Variants in RANBP17 observed in about 807,000 individuals in gnomAD.
The protein encoded by RANBP17 is ran-binding protein 17.
A neutral mutation model predicts 141.2 loss-of-function variants in RANBP17; 158 were observed. The observed-to-expected ratio is 1.12, with a 90% CI of 0.98 to 1.28. RANBP17 has a LOEUF of 1.28. RANBP17 is among the 50% of genes most tolerant of loss of function. RANBP17 has a pLI of 0.00. For missense variants in RANBP17, 1,438 were observed against 1,290.7 expected (o/e 1.11, Z -1.75); for synonymous variants, 430 against 450.0 (o/e 0.96, Z 0.56).
chr5:171,267,171 C>G (rs1316138690), intron 25 of RANBP17, among the ~76,000 whole-genome samples: 1 of 150,226 alleles, frequency 6.7e-6, no homozygotes, highest in African/African-American at 2.4e-5. Context: ...GTAGCTGGGA[C>G]TACAGGTGCA....
intron 12 of RANBP17, among the ~76,000 whole-genome samples, chr5:170,938,263 A>T (rs1019776901): frequency 6.6e-6 from 1 of 152,222 alleles, no homozygotes; most frequent in South Asian, 2.1e-4. Context: ...TTGAACCCTC[A>T]AAAGGGTATA....
Position 171,298,942 on chromosome 5 carries a change from C to A in RANBP17, c.*84C>A, listed in dbSNP as rs1768991182. ...GTCTCAGGACAGTGATGTTGGCTAG[C>A]CCAGGGGAATGTATTTTTCAAAACA... On this transcript the variant is annotated 3_prime_UTR_variant, in exon 28 of 28. Coordinates refer to ENST00000523189, the MANE Select transcript of RANBP17 (RefSeq NM_022897.5). The A allele has an allele frequency of 2.0e-6, 2 of 990,046 alleles. No individual in the cohort carries two copies. Among genetic ancestry groups the A allele is most frequent in the African/African-American group, 1.6e-5 (1 of 62,590 alleles). The allele number at this position is 990,046 out of a possible 1,614,324, so 61.3% of individuals were successfully genotyped here. A position where few individuals can be genotyped will look rare whatever the true frequency, so the allele number is the denominator to read the frequency against.
intron 14 of RANBP17, among the ~76,000 whole-genome samples, chr5:171,068,210 CT>C (rs1417206316): frequency 6.6e-6 from 1 of 151,980 alleles, no homozygotes; most frequent in African/African-American, 2.4e-5. Context: ...ATTTTATTTT[CT>C]TTCAGCTATT....
At chr5:171,273,944 C>T (rs1031335982) in intron 25 of RANBP17, among the ~76,000 whole-genome samples, 1 of 152,084 alleles carries the variant, frequency 6.6e-6, no homozygotes, top group Non-Finnish European at 1.5e-5. Flanking sequence ...CTATACTTGT[C>T]TACTGGAACT....
intron 24 of RANBP17, among the ~76,000 whole-genome samples, chr5:171,251,149 C>T (rs1041917649): frequency 6.6e-6 from 1 of 152,132 alleles, no homozygotes; most frequent in African/African-American, 2.4e-5. Flanking sequence ...AGCACAGTGG[C>T]GTGGTCATGG....
At chr5:170,888,874 AT>A (rs2127377022) in intron 3 of RANBP17, among the ~76,000 whole-genome samples, 1 of 152,182 alleles carries the variant, frequency 6.6e-6, no homozygotes, top group East Asian at 1.9e-4. Context: ...GTTGTCCTCT[AT>A]TCCTAGTTTG....
At chr5:170,876,779 C>T (rs994066958) in intron 1 of RANBP17, among the ~76,000 whole-genome samples, 1 of 152,064 alleles carries the variant, frequency 6.6e-6, no homozygotes, top group African/African-American at 2.4e-5. Flanking sequence ...GGTATATGCA[C>T]ATGAGGGAAT....
chr5:171,149,095 C>G (rs918498004), intron 14 of RANBP17, among the ~76,000 whole-genome samples: 1 of 152,230 alleles, frequency 6.6e-6, no homozygotes, highest in Non-Finnish European at 1.5e-5. Flanking sequence ...AGCTATCTAA[C>G]TTTACCTACT....
intron 12 of RANBP17, among the ~76,000 whole-genome samples, chr5:170,948,309 G>A (rs1472927710): frequency 6.6e-6 from 1 of 151,746 alleles, no homozygotes; most frequent in Non-Finnish European, 1.5e-5. Flanking sequence ...ATATGTGAAG[G>A]GTATAAGAGA....
intron 14 of RANBP17, among the ~76,000 whole-genome samples, chr5:170,979,002 G>A (rs533433066): frequency 3.7e-4 from 56 of 152,138 alleles, no homozygotes; most frequent in African/African-American, 1.2e-3. Context: ...CTAAAACTAC[G>A]TTTATTTTTG....
chr5:170,914,286 A>G (rs1190155468), intron 8 of RANBP17, 46 bp downstream of exon 8: 9 of 1,220,708 alleles, frequency 7.4e-6, no homozygotes, highest in South Asian at 2.5e-5. Context: ...ACCTGTGTAA[A>G]TAAGGGGTGG....
intron 14 of RANBP17, among the ~76,000 whole-genome samples, chr5:171,039,800 C>G (rs1312125759): frequency 6.6e-6 from 1 of 152,064 alleles, no homozygotes; most frequent in Non-Finnish European, 1.5e-5. Context: ...TTCCTGGAAA[C>G]AAAACCTTCC....
chr5:171,173,111 T>C (rs1760213254), intron 16 of RANBP17, among the ~76,000 whole-genome samples: 1 of 152,044 alleles, frequency 6.6e-6, no homozygotes. Context: ...ATTTGAATTA[T>C]AAATCATTAT....
intron 14 of RANBP17, among the ~76,000 whole-genome samples, chr5:171,112,934 C>T (rs991117267): frequency 6.6e-6 from 1 of 152,060 alleles, no homozygotes; most frequent in African/African-American, 2.4e-5. Flanking sequence ...AGCTCTATGC[C>T]CACAAGCAAA....
At position 171,222,289 on chromosome 5, in the gene RANBP17, A is replaced by G. The variant is rs375567900; in HGVS notation, c.2422+449A>G. 2.6e-5 allele frequency among the ~76,000 whole-genome samples: 4 copies of G among 152,368 alleles called. No homozygotes were observed. In the East Asian group the frequency reaches 7.7e-4, roughly 29 times the overall value. ...ACTGCGCCTCTAGAAGCAGAGTTCT[A>G]CAGGAAAGATTGTCCTATTCAATTA... On this transcript the variant is annotated intron_variant, in intron 22 of 27. Coordinates refer to ENST00000523189, the MANE Select transcript of RANBP17 (RefSeq NM_022897.5).
chr5:170,962,457 C>T (rs1561935129), intron 13 of RANBP17, among the ~76,000 whole-genome samples: 1 of 152,260 alleles, frequency 6.6e-6, no homozygotes, highest in East Asian at 1.9e-4. Context: ...ATAAAATCAA[C>T]ACAGAACTTG....
chr5:171,142,329 GA>G (rs1291577886), intron 14 of RANBP17, among the ~76,000 whole-genome samples: 4 of 152,174 alleles, frequency 2.6e-5, no homozygotes, highest in African/African-American at 9.6e-5. Flanking sequence ...AGTAATTGAA[GA>G]AAAAAATATT....
rs551805621 is a variant in RANBP17 at position 171,200,230 on chromosome 5, A to G, written c.2142+457A>G. On this transcript the variant is annotated intron_variant, in intron 19 of 27. Transcript: ENST00000523189. ...TTAAATGGCTAGGCATATATGTATA[A>G]ATAGGAACTGGTCTTGAAGTATTGC... Among the ~76,000 whole-genome samples the G allele has an allele frequency of 5.3e-5, 8 of 152,336 alleles. No individual in the cohort carries two copies. The South Asian group carries it at 1.7e-3, about 32-fold the overall frequency.
At chr5:171,220,183 C>G (rs559431553) in intron 21 of RANBP17, among the ~76,000 whole-genome samples, 21 of 152,132 alleles carry the variant, frequency 1.4e-4, no homozygotes, top group Non-Finnish European at 2.9e-4. Context: ...TGGAGGTCCA[C>G]TCCAGATCCT....
Sources: gnomAD v4.1 joint callset for allele counts (sites outside exome capture counted in the v4.1 genomes callset) on GRCh38, gnomAD v4.1.1 for gene constraint, MANE v1.5 for transcripts, NCBI Gene and HGNC (gene_info 2026-07-23, HGNC 2026-07-21) for gene names.